Variants in UNC79 observed in about 807,000 individuals in gnomAD.
UNC79 encodes unc-79 subunit of NALCN channel complex.
Under a neutral mutation model 283.1 loss-of-function variants are expected in UNC79, and 37 were observed. That is an observed-to-expected ratio of 0.13 (90% CI 0.10 to 0.17). The LOEUF (loss-of-function observed/expected upper bound fraction) is 0.17. Among genes scored for constraint, UNC79 ranks in the 10% least tolerant of loss-of-function variants. UNC79 has a pLI of 1.00. For synonymous variants in UNC79, 1,107 were observed against 1,200.2 expected (o/e 0.92, Z 1.61); for missense variants, 2,272 against 3,211.1 (o/e 0.71, Z 7.07).
At chr14:93,605,641 T>TGTATC (rs2065830793) in intron 26 of UNC79, among the ~76,000 whole-genome samples, 1 of 152,240 alleles carries the variant, frequency 6.6e-6, no homozygotes, top group African/African-American at 2.4e-5. Flanking sequence ...AACTCCCACC[T>TGTATC]ATGTATCATG....
At chr14:93,622,765 T>C (rs1477049642) in exon 30 of UNC79, 1 of 1,614,200 alleles carries the variant, frequency 6.2e-7, no homozygotes, top group Non-Finnish European at 8.5e-7. Context: ...GGAAGATTGC[T>C]GTCAGTGCTA....
chr14:93,686,472 T>C (rs2074249560), intron 42 of UNC79, 100 bp from the exon 46 acceptor site: 7 of 1,280,764 alleles, frequency 5.5e-6, no homozygotes, highest in Non-Finnish European at 7.8e-6. Flanking sequence ...ATCCAGAAAG[T>C]AAAACGACTC....
At chr14:93,697,746 T>C (rs1256246611) in intron 47 of UNC79, among the ~76,000 whole-genome samples, 3 of 152,130 alleles carry the variant, frequency 2.0e-5, no homozygotes, top group Non-Finnish European at 2.9e-5. Flanking sequence ...AGACCCAGTC[T>C]CTACCCTGCA....
chr14:93,583,669 G>T (rs1322909012), intron 20 of UNC79, among the ~76,000 whole-genome samples: 1 of 152,230 alleles, frequency 6.6e-6, no homozygotes, highest in Non-Finnish European at 1.5e-5. Flanking sequence ...TAAGGGCTCA[G>T]TGTGATTTCT....
At chr14:93,543,160 C>A (rs576738332) in intron 14 of UNC79, among the ~76,000 whole-genome samples, 1 of 151,608 alleles carries the variant, frequency 6.6e-6, no homozygotes, top group East Asian at 2.0e-4. Context: ...GAAAGATTAC[C>A]ATTCAAATAG....
At chr14:93,516,515 C>G (rs2060071273) in intron 7 of UNC79, among the ~76,000 whole-genome samples, 1 of 150,632 alleles carries the variant, frequency 6.6e-6, no homozygotes, top group African/African-American at 2.4e-5. Context: ...GGCATGATCT[C>G]AGCTCACTGC....
intron 47 of UNC79, among the ~76,000 whole-genome samples, 177 bp from the exon 51 acceptor site, chr14:93,704,448 C>T (rs1403014116): frequency 1.3e-5 from 2 of 152,202 alleles, no homozygotes; most frequent in African/African-American, 2.4e-5. Flanking sequence ...GCCACTGGCT[C>T]AGCGGGGTTT....
At chr14:93,554,498 T>A (rs1281906726) in intron 14 of UNC79, among the ~76,000 whole-genome samples, 1 of 152,236 alleles carries the variant, frequency 6.6e-6, no homozygotes, top group East Asian at 1.9e-4. Context: ...AGCTATCTAA[T>A]TTTAACCAGT....
At chr14:93,583,427 A>G (rs1012237874) in intron 20 of UNC79, among the ~76,000 whole-genome samples, 1 of 152,170 alleles carries the variant, frequency 6.6e-6, no homozygotes, top group African/African-American at 2.4e-5. Context: ...AGCAGATATT[A>G]TTAGGGGACT....
chr14:93,626,068 C>T (rs1461489733), intron 30 of UNC79, among the ~76,000 whole-genome samples: 1 of 152,142 alleles, frequency 6.6e-6, no homozygotes, highest in Admixed American at 6.5e-5. Context: ...AACAAAAACA[C>T]ATAATGTTGG....
At chr14:93,526,678 A>G (rs567472149) in intron 8 of UNC79, among the ~76,000 whole-genome samples, 16 of 152,366 alleles carry the variant, frequency 1.1e-4, no homozygotes, top group African/African-American at 3.6e-4. Flanking sequence ...GACTAGAACA[A>G]AACTCACTAG....
At chr14:93,691,485 G>C (rs952203745) in intron 45 of UNC79, 7 of 564,182 alleles carry the variant, frequency 1.2e-5, no homozygotes, top group Non-Finnish European at 2.2e-5. Flanking sequence ...AAAGGGCAAG[G>C]GGGTGGGTAG....
chr14:93,418,733 C>G (rs931959695), intron 1 of UNC79, among the ~76,000 whole-genome samples: 1 of 151,590 alleles, frequency 6.6e-6, no homozygotes, highest in African/African-American at 2.4e-5. Context: ...ATGGTGGGCG[C>G]CCCTCCCCCA....
In UNC79 at chr14:93,382,819, G is replaced by A. The variant is rs184085755; in HGVS notation, c.-351+49296G>A. Reference sequence around the variant, plus strand: ...GTTAGTAAGAAGAGTTACCACTGCCGCATCAATATTAAATACTGATTGATC... The same window carrying A: ...GTTAGTAAGAAGAGTTACCACTGCCACATCAATATTAAATACTGATTGATC... On this transcript the variant is annotated intron_variant, in intron 1 of 49. Coordinates refer to the UNC79 transcript ENST00000256339. Among the ~76,000 whole-genome samples the A allele has an allele frequency of 2.1e-3, 316 of 151,942 alleles. 5 individuals are homozygous for A. In the East Asian group the frequency reaches 0.029, roughly 14 times the overall value.
At chr14:93,651,608 T>C (rs1219022474) in intron 35 of UNC79, among the ~76,000 whole-genome samples, 1 of 152,236 alleles carries the variant, frequency 6.6e-6, no homozygotes, top group Non-Finnish European at 1.5e-5. Flanking sequence ...TATTAGCATG[T>C]ATTCTAGCTA....
At chr14:93,426,984 C>T (rs1212954724), upstream of UNC79, among the ~76,000 whole-genome samples, 2 of 152,070 alleles carry the variant, frequency 1.3e-5, no homozygotes, top group Non-Finnish European at 2.9e-5. Context: ...TGTTATTTTC[C>T]TCTGAAGAGT....
chr14:93,638,760 G>A (rs2068738546), intron 32 of UNC79, among the ~76,000 whole-genome samples: 1 of 152,180 alleles, frequency 6.6e-6, no homozygotes, highest in African/African-American at 2.4e-5. Context: ...GGGTGATAGG[G>A]ACTGCCTTTA....
At position 93,513,171 on chromosome 14, in the gene UNC79, TTCCC is replaced by T. The variant is rs373154513; in HGVS notation, c.899-10789_899-10786del. Among the ~76,000 whole-genome samples the T allele has an allele frequency of 3.4e-3, 501 of 147,584 alleles. 2 individuals are homozygous for T. Among genetic ancestry groups the T allele is most frequent in the African/African-American group, 0.012 (459 of 39,844 alleles). On this transcript the variant is annotated intron_variant, in intron 7 of 48. Transcript: ENST00000555664. Reference sequence around the variant, plus strand: ...TGTACATATTTTTGTTTTTTTGTTTTTCCCTCCCTCCCTCCCTCCCTTCCTTCCT... The same window carrying T: ...TGTACATATTTTTGTTTTTTTGTTTTTCCCTCCCTCCCTCCCTTCCTTCCT...
chr14:93,674,901 C>T (rs562440017), intron 41 of UNC79, among the ~76,000 whole-genome samples: 1 of 152,290 alleles, frequency 6.6e-6, no homozygotes, highest in East Asian at 1.9e-4. Context: ...AGCCCAGCTC[C>T]CTTTGGTATA....
Sources: allele counts gnomAD v4.1 joint callset (sites outside exome capture counted in the v4.1 genomes callset), GRCh38; gene constraint gnomAD v4.1.1; transcripts MANE v1.5; gene names NCBI Gene and HGNC (gene_info 2026-07-23, HGNC 2026-07-21).